The following CELSR1 variants were observed in gnomAD, a reference collection of about 807,000 sequenced individuals.
CELSR1 encodes cadherin EGF LAG seven-pass G-type receptor 1.
CELSR1 carries 110 observed loss-of-function variants against 249.1 expected under a neutral mutation model. The ratio of observed to expected loss-of-function variants is 0.44; its 90% CI spans 0.38 to 0.52. The LOEUF (loss-of-function observed/expected upper bound fraction) is 0.52. Among genes scored for constraint, CELSR1 ranks in the 20% least tolerant of loss-of-function variants. The probability of loss-of-function intolerance (pLI) is 0.00; values close to 1 mark genes in which losing one functional copy is unlikely to be tolerated. For synonymous variants in CELSR1, 2,113 were observed against 1,900.0 expected (o/e 1.11, Z -2.92); for missense variants, 4,109 against 4,296.4 (o/e 0.96, Z 1.22).
chr22:46,508,444 CG>C lies in CELSR1; in HGVS notation c.3544+25182del, dbSNP rs1353215850. ...CCCCACCCTGTGGCCCCCCCACCCCCGCCCCTTGCTGTCCCCTCGCTGTCCC... is the reference window on the plus strand; with the variant it reads ...CCCCACCCTGTGGCCCCCCCACCCCCCCCCTTGCTGTCCCCTCGCTGTCCC... On this transcript the variant is annotated intron_variant, in intron 1 of 34. Coordinates refer to ENST00000674500, the MANE Select transcript of CELSR1 (RefSeq NM_001378328.1). Among the ~76,000 whole-genome samples the C allele has an allele frequency of 2.0e-3, 299 of 148,558 alleles. 1 individual carries two copies. Among genetic ancestry groups the C allele is most frequent in the African/African-American group, 7.1e-3 (282 of 39,966 alleles).
chr22:46,477,790 G>A (rs1259623454), intron 1 of CELSR1, among the ~76,000 whole-genome samples: 2 of 152,168 alleles, frequency 1.3e-5, no homozygotes, highest in Non-Finnish European at 2.9e-5. Context: ...ACAGCCTTGA[G>A]CCACGGCACC....
At chr22:46,384,310 A>G (rs2079009447) in intron 20 of CELSR1, among the ~76,000 whole-genome samples, 1 of 152,218 alleles carries the variant, frequency 6.6e-6, no homozygotes, top group African/African-American at 2.4e-5. Context: ...TTGGTGCTCA[A>G]GAAGGTTCAG....
rs1223689520 is a variant in CELSR1, at chr22:46,534,353, C to T, written c.2818G>A (p.Asp940Asn). Reference protein sequence around the residue: ...TFQGGDDGDGDFYIEPTSGVI... With the variant: ...TFQGGDDGDGNFYIEPTSGVI... ...CCGGACGTGGGCTCGATGTAGAAGT[C>T]CCCATCGCCGTCGTCCCCACCCTGG... is the stretch of plus-strand genomic sequence containing the variant. The change falls in exon 1 of 35, where the codon GAC becomes AAC. Residue 940 changes from aspartate (D) to asparagine (N), a missense_variant. Transcript: ENST00000674500. This position sits in a 1 kb window ranked among gnomAD's most constrained non-coding sequence, Gnocchi z 9.7. 12 of 1,612,816 alleles carry T rather than the reference C, an allele frequency of 7.4e-6. No individual in the cohort carries two copies. Among genetic ancestry groups the T allele is most frequent in the East Asian group, 4.5e-5 (2 of 44,892 alleles).
intron 1 of CELSR1, among the ~76,000 whole-genome samples, chr22:46,501,748 G>C (rs2080468413): frequency 6.6e-6 from 1 of 152,150 alleles, no homozygotes. Flanking sequence ...TCTCAGATGA[G>C]CAATAGCAGA....
Position 46,533,616 on chromosome 22 carries a change from C to G in CELSR1, c.3544+11G>C, listed in dbSNP as rs761602065. ...TCAGGAGCTACTCCTCCCACCCCGA[C>G]GGCCACTCACCAGACACAGACACCT... On this transcript the variant is annotated intron_variant, in intron 1 of 34. Coordinates refer to ENST00000674500, the MANE Select transcript of CELSR1 (RefSeq NM_001378328.1). 1 of 1,540,092 alleles carries G rather than the reference C, an allele frequency of 6.5e-7. No individual in the cohort carries two copies. Among genetic ancestry groups the G allele is most frequent in the Non-Finnish European group, 8.7e-7 (1 of 1,148,010 alleles).
chr22:46,389,231 C>T (rs1028409406), intron 18 of CELSR1, 59 bp downstream of exon 18: 1 of 1,567,792 alleles, frequency 6.4e-7, no homozygotes, highest in Non-Finnish European at 8.7e-7. Context: ...CAGCACCCAC[C>T]CACGGGCATC....
At position 46,381,778 on chromosome 22, in the gene CELSR1, T is replaced by C; in HGVS notation, c.7088+68A>G. 2 of 1,391,216 alleles carry C rather than the reference T, an allele frequency of 1.4e-6. No homozygotes were observed. The highest frequency in any genetic ancestry group is 1.3e-5 in the South Asian group (1 of 79,100). 86.2% of individuals were successfully genotyped at this position (1,391,216 alleles called of 1,614,324 possible). Reference sequence around the variant, plus strand: ...CCTGTGCTTGATCAGGATCAGGATTTTGACCTGTGGAAGCCTCAGGAGCCT... The same window carrying C: ...CCTGTGCTTGATCAGGATCAGGATTCTGACCTGTGGAAGCCTCAGGAGCCT... On this transcript the variant is annotated intron_variant, in intron 21 of 34. Coordinates refer to ENST00000674500, the MANE Select transcript of CELSR1 (RefSeq NM_001378328.1). The surrounding 1 kb of genome is among the most constrained non-coding windows in gnomAD (Gnocchi z 6.0).
At position 46,381,495 on chromosome 22, in the gene CELSR1, G is replaced by A. The variant is rs541904607; in HGVS notation, c.7088+351C>T. 7.2e-5 allele frequency among the ~76,000 whole-genome samples: 11 copies of A among 152,318 alleles called. No individual in the cohort carries two copies. In the South Asian group the frequency reaches 2.3e-3, roughly 32 times the overall value. Reference sequence around the variant, plus strand: ...CTAGCTGAGCAGACCTAACCCCGGGGCCAGCAGCAGGCACTACCCATGACA... The same window carrying A: ...CTAGCTGAGCAGACCTAACCCCGGGACCAGCAGCAGGCACTACCCATGACA... On this transcript the variant is annotated intron_variant, in intron 21 of 34. Coordinates refer to ENST00000674500, the MANE Select transcript of CELSR1 (RefSeq NM_001378328.1). This position sits in a 1 kb window ranked among gnomAD's most constrained non-coding sequence, Gnocchi z 6.0.
rs550727614 is a variant in CELSR1 at position 46,441,310 on chromosome 22, G to A, written c.4184-1899C>T. ...CCCCAGAGTGGGATGGCTCCACGAT[G>A]GGCCCTTTGGACAGGCACCTGCAAT... is the stretch of plus-strand genomic sequence containing the variant. On this transcript the variant is annotated intron_variant, in intron 2 of 34. Coordinates refer to ENST00000674500, the MANE Select transcript of CELSR1 (RefSeq NM_001378328.1). The surrounding 1 kb of genome is among the most constrained non-coding windows in gnomAD (Gnocchi z 6.1). 1.2e-3 allele frequency among the ~76,000 whole-genome samples: 180 copies of A among 152,188 alleles called. 1 individual carries two copies. The highest frequency in any genetic ancestry group is 1.9e-3 in the Non-Finnish European group (128 of 68,002).
intron 1 of CELSR1, among the ~76,000 whole-genome samples, chr22:46,492,817 C>T (rs2080380177): frequency 6.6e-6 from 1 of 152,080 alleles, no homozygotes; most frequent in African/African-American, 2.4e-5. Flanking sequence ...AAGATCATGC[C>T]ACTGCACTCC....
In CELSR1 at chr22:46,472,960, A is replaced by G. The variant is rs2080170839; in HGVS notation, c.3545-8615T>C. On this transcript the variant is annotated intron_variant, in intron 1 of 34. Coordinates refer to ENST00000674500, the MANE Select transcript of CELSR1 (RefSeq NM_001378328.1). The surrounding 1 kb of genome is among the most constrained non-coding windows in gnomAD (Gnocchi z 7.0). ...CAACACCTCAATTACAGCTGCAAAG[A>G]GCCTATTTCCAAATAACATCCCACT... Among the ~76,000 whole-genome samples the G allele has an allele frequency of 6.6e-6, 1 of 152,152 alleles. No individual in the cohort carries two copies. Among genetic ancestry groups the G allele is most frequent in the African/African-American group, 2.4e-5 (1 of 41,432 alleles).
chr22:46,375,690 C>T (rs769257640), intron 24 of CELSR1, among the ~76,000 whole-genome samples: 9 of 152,000 alleles, frequency 5.9e-5, no homozygotes, highest in South Asian at 2.1e-4. Context: ...ATTACAGGTG[C>T]GTACCACTAT....
rs1284090548 is a variant in CELSR1, at chr22:46,364,059, T to C, written c.8972A>G (p.His2991Arg). 11 of 1,611,932 alleles carry C rather than the reference T, an allele frequency of 6.8e-6. No homozygotes were observed. Among genetic ancestry groups the C allele is most frequent in the Non-Finnish European group, 8.5e-6 (10 of 1,179,584 alleles). Residue 2991 changes from histidine (H) to arginine (R), a missense_variant, in exon 34 of 35, where the codon CAC becomes CGC. Coordinates refer to ENST00000674500, the MANE Select transcript of CELSR1 (RefSeq NM_001378328.1). Reference protein sequence around the residue: ...KSPGREPGRDHLNGVAMNVRT... With the variant: ...KSPGREPGRDRLNGVAMNVRT... ...CACATTCATGGCCACCCCGTTGAGG[T>C]GGTCACGCCCCGGCTCCCTCCCAGG...
chr22:46,395,647 G>A lies in CELSR1; in HGVS notation c.5843+958C>T, dbSNP rs780087614. 4.6e-5 allele frequency among the ~76,000 whole-genome samples: 7 copies of A among 152,162 alleles called. No individual in the cohort carries two copies. The highest frequency in any genetic ancestry group is 1.3e-4 in the Admixed American group (2 of 15,272). ...GCTTCCCACTCATGGGGTCACAGCC[G>A]GGATCACAGCACCTGCTCTAGGCTC... is the stretch of plus-strand genomic sequence containing the variant. On this transcript the variant is annotated intron_variant, in intron 13 of 34. Coordinates refer to ENST00000674500, the MANE Select transcript of CELSR1 (RefSeq NM_001378328.1). This position sits in a 1 kb window ranked among gnomAD's most constrained non-coding sequence, Gnocchi z 5.5.
intron 28 of CELSR1, 139 bp downstream of exon 28, chr22:46,367,590 C>A: frequency 1.6e-6 from 2 of 1,228,380 alleles, no homozygotes; most frequent in Non-Finnish European, 1.1e-6. Flanking sequence ...GGACTGAGTC[C>A]TCACAGCCAC....
Position 46,530,132 on chromosome 22 carries a change from A to T in CELSR1, c.3544+3495T>A, listed in dbSNP as rs549578294. On this transcript the variant is annotated intron_variant, in intron 1 of 34. Transcript: ENST00000674500. ...GGAGACCAGACTGAATAACATAGTG[A>T]GACCTTGTCTCTATTACAAATAATT... is the stretch of plus-strand genomic sequence containing the variant. Among the ~76,000 whole-genome samples the T allele has an allele frequency of 4.3e-4, 65 of 151,958 alleles. No homozygotes were observed. The South Asian group carries it at 4.4e-3, about 10-fold the overall frequency.
At chr22:46,509,907 C>T (rs1463626959) in intron 1 of CELSR1, among the ~76,000 whole-genome samples, 3 of 152,200 alleles carry the variant, frequency 2.0e-5, no homozygotes, top group Admixed American at 6.5e-5. Context: ...CAGTGAGGAA[C>T]GAAAGACACG....
In CELSR1 at chr22:46,389,377, G is replaced by A. The variant is rs753820353; in HGVS notation, c.6468C>T (p.Ala2156=). ...GTLFGNDVRT[A]YQLLGHVLQH... Reference sequence around the variant, plus strand: ...GAAGGACGTGGCCCAGCAGCTGGTAGGCCGTGCGCACGTCATTGCCAAAGA... The same window carrying A: ...GAAGGACGTGGCCCAGCAGCTGGTAAGCCGTGCGCACGTCATTGCCAAAGA... Residue 2156 remains alanine, a synonymous_variant, in exon 18 of 35, where the codon GCC becomes GCT. Coordinates refer to ENST00000674500, the MANE Select transcript of CELSR1 (RefSeq NM_001378328.1). 1 of 1,611,294 alleles carries A rather than the reference G, an allele frequency of 6.2e-7. No homozygotes were observed. Among genetic ancestry groups the A allele is most frequent in the East Asian group, 2.2e-5 (1 of 44,884 alleles).
At position 46,425,612 on chromosome 22, in the gene CELSR1, C is replaced by G. The variant is rs565290901; in HGVS notation, c.4611+7781G>C. ...ATTCCCTTATTACCCTTTTTAACAT[C>G]TACAAAGCCTATTTTATTCCTGATA... On this transcript the variant is annotated intron_variant, in intron 5 of 34. Coordinates refer to ENST00000674500, the MANE Select transcript of CELSR1 (RefSeq NM_001378328.1). Among the ~76,000 whole-genome samples, 9 of 152,282 alleles carry G rather than the reference C, an allele frequency of 5.9e-5. No homozygotes were observed. In the East Asian group the frequency reaches 1.7e-3, roughly 29 times the overall value.
Sources: allele counts gnomAD v4.1 joint callset (sites outside exome capture counted in the v4.1 genomes callset), GRCh38; gene constraint gnomAD v4.1.1; non-coding constraint Gnocchi (gnomAD v3.1); transcripts MANE v1.5; gene names NCBI Gene and HGNC (gene_info 2026-07-23, HGNC 2026-07-21).